RHBDD1: variants seen among roughly 807,000 people sequenced by gnomAD.
The protein encoded by RHBDD1 is rhomboid-related protein 4.
In RHBDD1, 38 loss-of-function variants were observed where a neutral mutation model predicts 36.3. The observed-to-expected ratio is 1.05, with a 90% CI of 0.81 to 1.37. The LOEUF (loss-of-function observed/expected upper bound fraction) is 1.37, where lower values mean the gene tolerates loss of function less well. Ranked by LOEUF, RHBDD1 falls within the 40% of genes most tolerant of loss-of-function variation. RHBDD1 has a pLI of 0.00. For synonymous variants in RHBDD1, 151 were observed against 136.5 expected (o/e 1.11, Z -0.74); for missense variants, 393 against 377.6 (o/e 1.04, Z -0.34).
At chr2:226,804,288 G>GC in the RHBDD1 span, 3 of 152,062 alleles carry the variant, frequency 2.0e-5, no homozygotes, top group African/African-American at 7.2e-5. Context: ...GGAAGGATGG[G>GC]CCCCCCAGCA....
intron 8 of RHBDD1, among the ~76,000 whole-genome samples, chr2:226,925,710 C>T (rs1949621709): frequency 6.6e-6 from 1 of 152,180 alleles, no homozygotes; most frequent in Non-Finnish European, 1.5e-5. Flanking sequence ...CTTCAAGAGT[C>T]TTTTTAGACC....
At chr2:226,965,434 A>G (rs1263004639) in intron 8 of RHBDD1, among the ~76,000 whole-genome samples, 3 of 152,246 alleles carry the variant, frequency 2.0e-5, no homozygotes, top group Non-Finnish European at 4.4e-5. Context: ...AACTGATACA[A>G]GCATCAAGGG....
chr2:226,885,995 A>G (rs1001606483), intron 5 of RHBDD1, among the ~76,000 whole-genome samples: 1 of 152,182 alleles, frequency 6.6e-6, no homozygotes. Context: ...ACAGCGTGAG[A>G]TTTCATCACA....
At chr2:226,958,346 G>A (rs558542134) in intron 8 of RHBDD1, among the ~76,000 whole-genome samples, 40 of 152,308 alleles carry the variant, frequency 2.6e-4, no homozygotes, top group Non-Finnish European at 5.3e-4. Flanking sequence ...GACAGAGAGT[G>A]CATTGGTGGA....
intron 3 of RHBDD1, among the ~76,000 whole-genome samples, chr2:226,854,994 C>T (rs1344258358): frequency 2.0e-5 from 3 of 152,216 alleles, no homozygotes; most frequent in Non-Finnish European, 2.9e-5. Context: ...GAACATTCTT[C>T]ATATGTCCAA....
chr2:226,882,430 CAA>C (rs58149634), intron 5 of RHBDD1, among the ~76,000 whole-genome samples: 1,517 of 56,954 alleles, frequency 0.027, no homozygotes, highest in Non-Finnish European at 0.035. Context: ...GACTTTGCCT[CAA>C]AAAAAAAAAA....
intron 3 of RHBDD1, among the ~76,000 whole-genome samples, chr2:226,859,234 T>C (rs1943613549): frequency 6.6e-6 from 1 of 152,154 alleles, no homozygotes; most frequent in Admixed American, 6.5e-5. Flanking sequence ...CAACTACAGA[T>C]TGAAAATTTT....
intron 8 of RHBDD1, among the ~76,000 whole-genome samples, chr2:226,927,907 C>A (rs1185721583): frequency 6.6e-6 from 1 of 151,866 alleles, no homozygotes; most frequent in Admixed American, 6.6e-5. Flanking sequence ...TGGCTTTTTC[C>A]CCCATTCTCT....
chr2:226,914,343 G>A lies in RHBDD1; in HGVS notation c.848G>A (p.Trp283Ter). 1 of 1,613,070 alleles carries A rather than the reference G, an allele frequency of 6.2e-7. No individual in the cohort carries two copies. Among genetic ancestry groups the A allele is most frequent in the Admixed American group, 1.7e-5 (1 of 59,862 alleles). Residue 283 changes from tryptophan (W) to a stop codon, truncating the protein, a stop_gained, in exon 8 of 9, where the codon TGG becomes TAG. Coordinates refer to ENST00000392062, the MANE Select transcript of RHBDD1 (RefSeq NM_001167608.3). LOFTEE classifies it high-confidence loss of function. The part of the protein sequence containing the change: ...QLERALQASL[W>*]DRGNTRNSPP... ...GAGAGAGCATTACAAGCCAGCCTCT[G>A]GGACCGAGGTAGGAGTCTTGCGCCC...
At position 226,914,289 on chromosome 2, in the gene RHBDD1, C is replaced by G. The variant is rs1179882695; in HGVS notation, c.794C>G (p.Thr265Arg). 1 of 1,613,840 alleles carries G rather than the reference C, an allele frequency of 6.2e-7. No homozygotes were observed. The highest frequency in any genetic ancestry group is 8.5e-7 in the Non-Finnish European group (1 of 1,179,834). Residue 265 changes from threonine to arginine, a missense_variant, in exon 8 of 9, where the codon ACA (threonine) becomes AGA (arginine). Coordinates refer to ENST00000392062, the MANE Select transcript of RHBDD1 (RefSeq NM_001167608.3). ...EEAPRNYDTY[T>R]AGLSEEEQLE... ...GCACCCAGGAACTATGACACGTACA[C>G]AGCAGGACTGAGTGAAGAAGAACAG...
chr2:226,884,553 A>AT (rs1946057203), intron 5 of RHBDD1, among the ~76,000 whole-genome samples: 1 of 152,212 alleles, frequency 6.6e-6, no homozygotes, highest in African/African-American at 2.4e-5. Flanking sequence ...GGTCAAATAA[A>AT]TAACAAGTTT....
intron 7 of RHBDD1, among the ~76,000 whole-genome samples, chr2:226,912,763 A>T (rs1948610077): frequency 6.6e-6 from 1 of 152,104 alleles, no homozygotes; most frequent in Non-Finnish European, 1.5e-5. Flanking sequence ...GGATGATGAA[A>T]ATGTCCAAAA....
intron 8 of RHBDD1, chr2:226,988,209 GAC>G: frequency 1.2e-6 from 1 of 839,764 alleles, no homozygotes; most frequent in Non-Finnish European, 1.8e-6. Flanking sequence ...CTTACCCAAA[GAC>G]AGTCTCAAGA....
At chr2:226,888,599 C>G (rs1362721371) in intron 5 of RHBDD1, among the ~76,000 whole-genome samples, 2 of 151,644 alleles carry the variant, frequency 1.3e-5, no homozygotes, top group Non-Finnish European at 2.9e-5. Context: ...TTATCCTGAC[C>G]TTTGTGTCTT....
intron 8 of RHBDD1, chr2:226,969,102 T>C (rs549349079): frequency 2.3e-4 from 46 of 196,624 alleles, no homozygotes; most frequent in Non-Finnish European, 3.3e-4. Context: ...AACCAGAAGC[T>C]ACTCTTCCCA....
chr2:226,954,773 G>T (rs952250874), intron 8 of RHBDD1, among the ~76,000 whole-genome samples: 1 of 152,088 alleles, frequency 6.6e-6, no homozygotes, highest in Non-Finnish European at 1.5e-5. Context: ...AACTAGGGAG[G>T]TGAAGGTTCA....
the RHBDD1 span, among the ~76,000 whole-genome samples, chr2:226,819,378 C>T: frequency 4.6e-5 from 7 of 152,080 alleles, no homozygotes; most frequent in African/African-American, 1.7e-4. Context: ...TTTTCTACAG[C>T]GAAAGGAAAG....
upstream of RHBDD1, among the ~76,000 whole-genome samples, chr2:226,832,509 T>C (rs1487338325): frequency 6.6e-6 from 1 of 152,206 alleles, no homozygotes; most frequent in East Asian, 1.9e-4. Flanking sequence ...AAGCCTTCTA[T>C]ATACTTAGTG....
chr2:226,849,242 T>C (rs1574784162), intron 3 of RHBDD1, among the ~76,000 whole-genome samples: 1 of 152,356 alleles, frequency 6.6e-6, no homozygotes, highest in East Asian at 1.9e-4. Flanking sequence ...AGGACCAATT[T>C]AGGTTCCAGA....
Sources: gnomAD v4.1 joint callset for allele counts (sites outside exome capture counted in the v4.1 genomes callset) on GRCh38, gnomAD v4.1.1 for gene constraint, MANE v1.5 for transcripts, NCBI Gene and HGNC (gene_info 2026-07-23, HGNC 2026-07-21) for gene names.